SH3GL3: variants seen among roughly 807,000 people sequenced by gnomAD.
The protein encoded by SH3GL3 is SH3 domain containing GRB2 like 3, endophilin A3.
A neutral mutation model predicts 47.7 loss-of-function variants in SH3GL3; 33 were observed. That is an observed-to-expected ratio of 0.69 (90% CI 0.52 to 0.92). The LOEUF (loss-of-function observed/expected upper bound fraction) is 0.92, where lower values mean the gene tolerates loss of function less well. Among genes scored for constraint, SH3GL3 ranks in the 40% least tolerant of loss-of-function variants. The pLI is 0.00. For missense variants in SH3GL3, 363 were observed against 417.8 expected, an observed-to-expected ratio of 0.87 and a Z score of 1.14; for synonymous variants, 155 against 148.8, an observed-to-expected ratio of 1.04 and a Z score of -0.30.
chr15:83,546,828 G>T (rs981145475), intron 1 of SH3GL3, among the ~76,000 whole-genome samples: 1 of 152,152 alleles, frequency 6.6e-6, no homozygotes, highest in Admixed American at 6.5e-5. Context: ...ACCAGGATGG[G>T]TCTAGAAATG....
intron 1 of SH3GL3, among the ~76,000 whole-genome samples, chr15:83,460,691 G>C (rs992808395): frequency 3.9e-5 from 6 of 152,162 alleles, no homozygotes; most frequent in African/African-American, 1.4e-4. Flanking sequence ...TATGTGTGCG[G>C]ATGTGTTTAT....
intron 1 of SH3GL3, among the ~76,000 whole-genome samples, chr15:83,479,126 G>A (rs902850327): frequency 3.3e-5 from 5 of 152,166 alleles, no homozygotes; most frequent in South Asian, 2.1e-4. Flanking sequence ...TATGATGTAA[G>A]GGCCAGGTGC....
intron 1 of SH3GL3, among the ~76,000 whole-genome samples, chr15:83,458,104 C>A (rs1374230317): frequency 6.6e-6 from 1 of 152,186 alleles, no homozygotes; most frequent in Non-Finnish European, 1.5e-5. Flanking sequence ...TGTCAGTAAA[C>A]AACTGACACA....
intron 1 of SH3GL3, among the ~76,000 whole-genome samples, chr15:83,499,170 C>T (rs2042197798): frequency 6.6e-6 from 1 of 152,018 alleles, no homozygotes; most frequent in Admixed American, 6.6e-5. Flanking sequence ...TGATCAGGGG[C>T]TCTATCTTTC....
intron 6 of SH3GL3, among the ~76,000 whole-genome samples, chr15:83,583,521 C>T (rs182583435): frequency 1.1e-4 from 16 of 152,274 alleles, no homozygotes; most frequent in South Asian, 2.1e-4. Flanking sequence ...ATGCAAGTGT[C>T]CCTGGGGTTT....
chr15:83,502,180 T>C (rs1262965397), intron 1 of SH3GL3, among the ~76,000 whole-genome samples: 2 of 152,240 alleles, frequency 1.3e-5, no homozygotes, highest in African/African-American at 4.8e-5. Flanking sequence ...TACAGACTTT[T>C]TAGGAATGAC....
chr15:83,586,655 T>C (rs2059962809), intron 6 of SH3GL3, among the ~76,000 whole-genome samples: 1 of 152,224 alleles, frequency 6.6e-6, no homozygotes, highest in Non-Finnish European at 1.5e-5. Context: ...CTGGAAGAGC[T>C]TTATCTCTCT....
intron 1 of SH3GL3, among the ~76,000 whole-genome samples, chr15:83,471,261 T>G (rs984562369): frequency 2.6e-5 from 4 of 152,234 alleles, no homozygotes; most frequent in Non-Finnish European, 5.9e-5. Flanking sequence ...ACTTTGGATA[T>G]AAGATTCTGG....
At chr15:83,473,855 C>CA in intron 1 of SH3GL3, among the ~76,000 whole-genome samples, 1 of 139,250 alleles carries the variant, frequency 7.2e-6, no homozygotes, top group South Asian at 2.2e-4. Context: ...CCTGTTGGGG[C>CA]TTTTTTTTTT....
chr15:83,492,460 AC>A (rs1383531482), intron 1 of SH3GL3, among the ~76,000 whole-genome samples: 2 of 152,058 alleles, frequency 1.3e-5, no homozygotes, highest in African/African-American at 4.8e-5. Flanking sequence ...AATGAAAGAA[AC>A]TTTGAAGGGA....
intron 1 of SH3GL3, among the ~76,000 whole-genome samples, chr15:83,484,275 ATT>A (rs753403633): frequency 6.6e-4 from 100 of 152,110 alleles, no homozygotes; most frequent in Non-Finnish European, 1.1e-3. Flanking sequence ...GTTTGAACCA[ATT>A]TTGATTGTCT....
chr15:83,462,440 C>T (rs957889942), intron 1 of SH3GL3, among the ~76,000 whole-genome samples: 2 of 152,162 alleles, frequency 1.3e-5, no homozygotes, highest in Non-Finnish European at 2.9e-5. Context: ...ATATCCCTAA[C>T]AACTTTTTGT....
At position 83,470,421 on chromosome 15, in the gene SH3GL3, T is replaced by C. The variant is rs1279782850; in HGVS notation, c.45+22843T>C. On this transcript the variant is annotated intron_variant, in intron 1 of 8. Coordinates refer to ENST00000427482, the MANE Select transcript of SH3GL3 (RefSeq NM_003027.5). ...TGTATTTTTAGTAGAGATAGGGTTT[T>C]GCCACGTTGGCCAGGGGTTGGTCTC... is the stretch of plus-strand genomic sequence containing the variant. Among the ~76,000 whole-genome samples, 3 of 152,126 alleles carry C rather than the reference T, an allele frequency of 2.0e-5. No individual in the cohort carries two copies. The East Asian group carries it at 5.8e-4, about 29-fold the overall frequency.
At chr15:83,563,525 T>G (rs2045383725) in intron 2 of SH3GL3, among the ~76,000 whole-genome samples, 1 of 152,236 alleles carries the variant, frequency 6.6e-6, no homozygotes, top group African/African-American at 2.4e-5. Flanking sequence ...ATATTGAGTA[T>G]AACTGATTTT....
chr15:83,549,126 T>C (rs1344521569), intron 1 of SH3GL3, among the ~76,000 whole-genome samples: 1 of 152,224 alleles, frequency 6.6e-6, no homozygotes, highest in Non-Finnish European at 1.5e-5. Context: ...TTTTTATGTA[T>C]TCCAATTTTT....
At chr15:83,513,521 C>G (rs555137968) in intron 1 of SH3GL3, among the ~76,000 whole-genome samples, 17 of 152,130 alleles carry the variant, frequency 1.1e-4, no homozygotes, top group Non-Finnish European at 2.5e-4. Flanking sequence ...AACCCTTGAC[C>G]CTCTCCTAGA....
At chr15:83,491,383 T>A (rs1435357374) in intron 1 of SH3GL3, among the ~76,000 whole-genome samples, 1 of 152,242 alleles carries the variant, frequency 6.6e-6, no homozygotes, top group Non-Finnish European at 1.5e-5. Context: ...CTGAATTTAA[T>A]GTTAGCATTC....
chr15:83,453,513 A>G (rs1487129650), intron 1 of SH3GL3, among the ~76,000 whole-genome samples: 2 of 148,746 alleles, frequency 1.3e-5, no homozygotes, highest in Admixed American at 1.3e-4. Flanking sequence ...CAGAGATTCA[A>G]CTTCTTCCTG....
intron 8 of SH3GL3, among the ~76,000 whole-genome samples, chr15:83,591,835 G>C (rs867591489): frequency 2.6e-5 from 4 of 152,112 alleles, no homozygotes. Flanking sequence ...ACAGGCGCCC[G>C]ATACCGTGCC....
Sources: allele counts gnomAD v4.1 joint callset (sites outside exome capture counted in the v4.1 genomes callset), GRCh38; gene constraint gnomAD v4.1.1; transcripts MANE v1.5; gene names NCBI Gene and HGNC (gene_info 2026-07-23, HGNC 2026-07-21).